The following TACC1 variants were observed in gnomAD, a reference collection of about 807,000 sequenced individuals.
The protein encoded by TACC1 is transforming acidic coiled-coil containing protein 1.
TACC1 carries 48 observed loss-of-function variants against 84.4 expected under a neutral mutation model. The ratio of observed to expected loss-of-function variants is 0.57; its 90% CI spans 0.45 to 0.72. The LOEUF (loss-of-function observed/expected upper bound fraction) is 0.72, where lower values mean the gene tolerates loss of function less well. TACC1 is among the 30% of genes least tolerant of loss of function. The probability of loss-of-function intolerance (pLI) is 0.00; values close to 1 mark genes in which losing one functional copy is unlikely to be tolerated. For synonymous variants in TACC1, 372 were observed against 376.3 expected (o/e 0.99, Z 0.13); for missense variants, 920 against 973.0 (o/e 0.95, Z 0.72).
Position 38,787,373 on chromosome 8 carries a change from G to A in TACC1, c.-210G>A. 4.5e-6 allele frequency: 6 copies of A among 1,336,308 alleles called. No individual in the cohort carries two copies. Among genetic ancestry groups the A allele is most frequent in the Non-Finnish European group, 5.7e-6 (6 of 1,049,778 alleles). The allele number at this position is 1,336,308 out of a possible 1,614,324, so 82.8% of individuals were successfully genotyped here. On this transcript the variant is annotated 5_prime_UTR_variant, in exon 1 of 13. Transcript: ENST00000317827. ...GGGGCCCGCTGCGGCCGCACCGTGA[G>A]GGGAGGAGGCCGAGGAGGACGCAGC... is the stretch of plus-strand genomic sequence containing the variant.
chr8:38,838,259 C>T (rs1216340860), intron 7 of TACC1, among the ~76,000 whole-genome samples: 2 of 152,244 alleles, frequency 1.3e-5, no homozygotes, highest in African/African-American at 4.8e-5. Context: ...GAGAGATGTT[C>T]TACTCATCTT....
intron 11 of TACC1, chr8:38,846,145 T>C (rs1245527673): frequency 6.7e-6 from 1 of 150,014 alleles, no homozygotes; most frequent in Non-Finnish European, 1.5e-5. Context: ...TAGCCGGGCG[T>C]GGTGGCGGGC....
rs1443018351 is a variant in TACC1, at chr8:38,824,143, A to AT, written c.1392-1158dup. 182 of 813,242 alleles carry AT rather than the reference A, an allele frequency of 2.2e-4. No homozygotes were observed. In the Admixed American group the frequency reaches 3.5e-3, roughly 16 times the overall value. 50.4% of individuals were successfully genotyped at this position (813,242 alleles called of 1,614,324 possible). A position where few individuals can be genotyped will look rare whatever the true frequency, so the allele number is the denominator to read the frequency against. On this transcript the variant is annotated intron_variant, in intron 3 of 12. Transcript: ENST00000317827. ...TAATTCTGAGTTTGATCTTCTGATG[A>AT]TTTTTTTGCATTTCATCAGTCACTT...
intron 9 of TACC1, among the ~76,000 whole-genome samples, chr8:38,841,742 A>G (rs1437508589): frequency 6.6e-6 from 1 of 152,018 alleles, no homozygotes; most frequent in Non-Finnish European, 1.5e-5. Flanking sequence ...CAGGGTTCTT[A>G]CTCTAGTGCA....
intron 2 of TACC1, among the ~76,000 whole-genome samples, chr8:38,809,990 CTT>C (rs1359759833): frequency 6.6e-6 from 1 of 152,174 alleles, no homozygotes; most frequent in Non-Finnish European, 1.5e-5. Flanking sequence ...TGTAAAAAAA[CTT>C]TAAAAAACTA....
chr8:38,729,052 G>A (rs997434238), intron 1 of TACC1, among the ~76,000 whole-genome samples: 11 of 150,746 alleles, frequency 7.3e-5, no homozygotes, highest in African/African-American at 2.0e-4. Context: ...AAATGCCCAG[G>A]AGCAGTCATA....
chr8:38,825,257 A>T, intron 3 of TACC1, 51 bp from the exon 4 acceptor site: 1 of 1,597,492 alleles, frequency 6.3e-7, no homozygotes, highest in Non-Finnish European at 8.6e-7. Flanking sequence ...ATACCTTGAC[A>T]ATTGTCAGTG....
Position 38,813,289 on chromosome 8 carries a change from G to C in TACC1, c.278-6233G>C, listed in dbSNP as rs75761946. Among the ~76,000 whole-genome samples the C allele has an allele frequency of 7.4e-4, 113 of 152,296 alleles. No homozygotes were observed. The East Asian group carries it at 0.021, about 28-fold the overall frequency. On this transcript the variant is annotated intron_variant, in intron 2 of 12. Coordinates refer to ENST00000317827, the MANE Select transcript of TACC1 (RefSeq NM_006283.3). ...CTGAATTCACAATCTCAGATGTTAT[G>C]TGATCAAGGAGACTACAAGAAACTG...
intron 6 of TACC1, among the ~76,000 whole-genome samples, chr8:38,835,774 T>G (rs1830103197): frequency 6.6e-6 from 1 of 152,232 alleles, no homozygotes; most frequent in Non-Finnish European, 1.5e-5. Context: ...GTCACTTGTT[T>G]TTGTTTTTGC....
chr8:38,752,363 C>T (rs1436515593), intron 3 of TACC1, among the ~76,000 whole-genome samples: 4 of 151,878 alleles, frequency 2.6e-5, no homozygotes, highest in African/African-American at 4.8e-5. Context: ...CGCAGCTACT[C>T]GGGAGGCTGA....
At chr8:38,792,703 G>A (rs1033712828) in intron 2 of TACC1, among the ~76,000 whole-genome samples, 1 of 152,172 alleles carries the variant, frequency 6.6e-6, no homozygotes, top group Admixed American at 6.5e-5. Context: ...CTGACCTCGT[G>A]ATCCGCCCGC....
intron 1 of TACC1, among the ~76,000 whole-genome samples, chr8:38,739,455 C>G (rs1321824074): frequency 1.3e-5 from 2 of 152,330 alleles, no homozygotes; most frequent in Non-Finnish European, 2.9e-5. Flanking sequence ...TGCTTACATA[C>G]AGTTTCTTTT....
chr8:38,792,871 A>C (rs1819052368), intron 2 of TACC1, among the ~76,000 whole-genome samples: 1 of 152,008 alleles, frequency 6.6e-6, no homozygotes, highest in Non-Finnish European at 1.5e-5. Flanking sequence ...AAGTCCTGGG[A>C]TTACAGGCGT....
In TACC1 at chr8:38,828,983, A is replaced by G. The variant is rs181856789; in HGVS notation, c.1660+1608A>G. On this transcript the variant is annotated intron_variant, in intron 5 of 12. Transcript: ENST00000317827. ...CTGTAAAATCTTTCTTAACATGCCA[A>G]TGAGGAACCTGGGCTAACCAGGGTG... 2.1e-3 allele frequency among the ~76,000 whole-genome samples: 326 copies of G among 152,318 alleles called. 1 individual carries two copies. The highest frequency in any genetic ancestry group is 7.0e-3 in the African/African-American group (291 of 41,570).
At chr8:38,744,409 C>T (rs1807671470) in intron 2 of TACC1, among the ~76,000 whole-genome samples, 1 of 152,174 alleles carries the variant, frequency 6.6e-6, no homozygotes, top group African/African-American at 2.4e-5. Context: ...AGCCACCGCA[C>T]CGAGCCTGAC....
At chr8:38,794,293 AT>A (rs1185798158) in intron 2 of TACC1, among the ~76,000 whole-genome samples, 1 of 152,094 alleles carries the variant, frequency 6.6e-6, no homozygotes, top group Non-Finnish European at 1.5e-5. Context: ...TTAACATTTT[AT>A]TTTCTTAAAT....
chr8:38,840,171 TTTCA>T, intron 8 of TACC1, 49 bp from the exon 9 acceptor site: 2 of 1,422,904 alleles, frequency 1.4e-6, no homozygotes, highest in African/African-American at 2.8e-5. Flanking sequence ...TTTCTCCAAC[TTTCA>T]TTGTCTGAAA....
chr8:38,786,536 G>T (rs1817175658), upstream of TACC1, among the ~76,000 whole-genome samples: 1 of 152,122 alleles, frequency 6.6e-6, no homozygotes, highest in Non-Finnish European at 1.5e-5. Flanking sequence ...ACGCCTGTCT[G>T]TATTTTAAAT....
At chr8:38,731,501 T>C (rs569749071) in intron 1 of TACC1, among the ~76,000 whole-genome samples, 9 of 152,246 alleles carry the variant, frequency 5.9e-5, no homozygotes, top group Non-Finnish European at 1.3e-4. Context: ...TCAATAAATA[T>C]GTTATGTGTA....
Sources: gnomAD v4.1 joint callset for allele counts (sites outside exome capture counted in the v4.1 genomes callset) on GRCh38, gnomAD v4.1.1 for gene constraint, MANE v1.5 for transcripts, NCBI Gene and HGNC (gene_info 2026-07-23, HGNC 2026-07-21) for gene names.